KANSL1L: variants seen among roughly 807,000 people sequenced by gnomAD.
The protein encoded by KANSL1L is KAT8 regulatory NSL complex subunit 1 like.
KANSL1L carries 25 observed loss-of-function variants against 108.6 expected under a neutral mutation model. The ratio of observed to expected loss-of-function variants is 0.23; its 90% CI spans 0.17 to 0.32. KANSL1L has a LOEUF of 0.32. Among genes scored for constraint, KANSL1L ranks in the 10% least tolerant of loss-of-function variants. The pLI is 1.00. For synonymous variants in KANSL1L, 405 were observed against 395.1 expected (o/e 1.03, Z -0.30); for missense variants, 1,137 against 1,125.7 (o/e 1.01, Z -0.14).
At chr2:210,066,380 C>T (rs953313849) in intron 6 of KANSL1L, among the ~76,000 whole-genome samples, 6 of 152,200 alleles carry the variant, frequency 3.9e-5, no homozygotes, top group African/African-American at 7.2e-5. Flanking sequence ...TAAATCACTA[C>T]GTTTGGGGAT....
At position 210,029,166 on chromosome 2, in the gene KANSL1L, CT is replaced by C. The variant is rs1303664300; in HGVS notation, c.2272-198del. On this transcript the variant is annotated intron_variant, in intron 10 of 14. Transcript: ENST00000281772. ...TATCTTTTGTAAATCAGAACAATCT[CT>C]TGGTAGATGTGTAATGTGTATTTAT... 2.5e-4 allele frequency: 126 copies of C among 508,986 alleles called. 1 individual carries two copies. The highest frequency in any genetic ancestry group is 1.6e-4 in the Admixed American group (4 of 24,388). 31.5% of individuals were successfully genotyped at this position (508,986 alleles called of 1,614,324 possible).
rs574824326 is a variant in KANSL1L, at chr2:210,033,654, C to T, written c.2030-2108G>A. Among the ~76,000 whole-genome samples the T allele has an allele frequency of 1.6e-3, 245 of 151,586 alleles. 2 individuals carry two copies. Among genetic ancestry groups the T allele is most frequent in the African/African-American group, 5.6e-3 (231 of 41,368 alleles). ...ACGCCATTCTCCTGCCTCAGCCTCC[C>T]GAGTAGCTGGGACTACAGGTGGCTG... is the stretch of plus-strand genomic sequence containing the variant. On this transcript the variant is annotated intron_variant, in intron 8 of 14. Coordinates refer to ENST00000281772, the MANE Select transcript of KANSL1L (RefSeq NM_152519.4).
In KANSL1L at chr2:210,141,719, T is replaced by C. The variant is rs114718099; in HGVS notation, c.1088+11776A>G. On this transcript the variant is annotated intron_variant, in intron 2 of 14. Coordinates refer to ENST00000281772, the MANE Select transcript of KANSL1L (RefSeq NM_152519.4). ...ATGTTAACTGTGAGCTTATCATATA[T>C]GGCCTTTATTGGTAGAGGTACATTC... is the stretch of plus-strand genomic sequence containing the variant. 1.6e-3 allele frequency among the ~76,000 whole-genome samples: 250 copies of C among 152,332 alleles called. 1 individual carries two copies. The highest frequency in any genetic ancestry group is 5.7e-3 in the African/African-American group (239 of 41,582).
intron 1 of KANSL1L, among the ~76,000 whole-genome samples, chr2:210,170,849 C>A (rs1346174319): frequency 1.3e-5 from 2 of 152,040 alleles, no homozygotes; most frequent in Non-Finnish European, 2.9e-5. Context: ...GCCCCACCCC[C>A]CACGTGACCG....
At chr2:210,119,848 T>C (rs1020704494) in intron 3 of KANSL1L, among the ~76,000 whole-genome samples, 1 of 151,892 alleles carries the variant, frequency 6.6e-6, no homozygotes, top group African/African-American at 2.4e-5. Flanking sequence ...GAGAAAGAAA[T>C]AGAAGGCAAC....
intron 6 of KANSL1L, among the ~76,000 whole-genome samples, chr2:210,049,694 T>G (rs2125221465): frequency 6.6e-6 from 1 of 152,348 alleles, no homozygotes; most frequent in African/African-American, 2.4e-5. Context: ...TTATAGTGTT[T>G]CTCAAGGAAT....
intron 2 of KANSL1L, among the ~76,000 whole-genome samples, chr2:210,143,202 T>A (rs1032153926): frequency 6.6e-6 from 1 of 152,142 alleles, no homozygotes; most frequent in Admixed American, 6.5e-5. Flanking sequence ...TACCTTTTTG[T>A]CTTTTTTTAC....
chr2:210,126,122 G>A (rs541372858), intron 3 of KANSL1L, among the ~76,000 whole-genome samples: 1 of 152,272 alleles, frequency 6.6e-6, no homozygotes, highest in African/African-American at 2.4e-5. Flanking sequence ...ATTCAGCAGA[G>A]TAGCAAGATC....
At chr2:210,116,015 C>G (rs1189575752) in intron 3 of KANSL1L, among the ~76,000 whole-genome samples, 1 of 152,122 alleles carries the variant, frequency 6.6e-6, no homozygotes, top group Non-Finnish European at 1.5e-5. Flanking sequence ...GGGTAAAGCA[C>G]CAAGCATTTC....
At chr2:210,093,573 A>T (rs2094710705) in intron 5 of KANSL1L, among the ~76,000 whole-genome samples, 1 of 152,210 alleles carries the variant, frequency 6.6e-6, no homozygotes, top group Non-Finnish European at 1.5e-5. Flanking sequence ...GTCTAAATTT[A>T]GCCTCAAAAA....
chr2:210,156,309 T>C (rs766391951), intron 1 of KANSL1L, among the ~76,000 whole-genome samples: 8 of 152,116 alleles, frequency 5.3e-5, no homozygotes, highest in South Asian at 2.1e-4. Flanking sequence ...CTCATATCTA[T>C]TGGGATCATA....
At chr2:210,037,305 C>A (rs998288357) in intron 8 of KANSL1L, among the ~76,000 whole-genome samples, 4 of 152,016 alleles carry the variant, frequency 2.6e-5, no homozygotes, top group Non-Finnish European at 5.9e-5. Context: ...TAGCTATTTC[C>A]TAGCTGTTGG....
chr2:210,065,057 C>T (rs1192374161), intron 6 of KANSL1L, among the ~76,000 whole-genome samples: 1 of 151,402 alleles, frequency 6.6e-6, no homozygotes, highest in African/African-American at 2.4e-5. Flanking sequence ...AATCTCAGCA[C>T]TTTGGGTAGG....
intron 6 of KANSL1L, among the ~76,000 whole-genome samples, chr2:210,062,927 G>T (rs1245930022): frequency 1.3e-5 from 2 of 152,180 alleles, no homozygotes; most frequent in African/African-American, 4.8e-5. Context: ...GTAATGAGGG[G>T]CCAAATGTTA....
intron 6 of KANSL1L, 114 bp downstream of exon 6, chr2:210,075,438 A>G: frequency 1.5e-6 from 1 of 678,556 alleles, no homozygotes; most frequent in Non-Finnish European, 2.5e-6. Context: ...TAAGTTTTCT[A>G]CATGTAATTA....
chr2:210,169,904 G>A (rs924148214), intron 1 of KANSL1L, among the ~76,000 whole-genome samples: 11 of 152,178 alleles, frequency 7.2e-5, no homozygotes, highest in Non-Finnish European at 1.3e-4. Flanking sequence ...AATTGGTAGA[G>A]ATTAGGAATC....
intron 1 of KANSL1L, among the ~76,000 whole-genome samples, chr2:210,156,714 T>C (rs1317793017): frequency 6.6e-6 from 1 of 152,060 alleles, no homozygotes; most frequent in Non-Finnish European, 1.5e-5. Flanking sequence ...TTAAGTTCCA[T>C]GAAACAGAAC....
intron 2 of KANSL1L, among the ~76,000 whole-genome samples, chr2:210,138,398 G>C (rs1055371646): frequency 6.6e-6 from 1 of 151,908 alleles, no homozygotes; most frequent in Non-Finnish European, 1.5e-5. Flanking sequence ...GGATCAATCA[G>C]ACCCCAAACT....
In KANSL1L at chr2:210,171,235, C is replaced by A; in HGVS notation, c.-116G>T. ...GCTGAGGTGATCTCTAGCTGCCCGC[C>A]CGCCTCCCCCACCCGGGGCGCCGCT... On this transcript the variant is annotated 5_prime_UTR_variant, in exon 1 of 15. Coordinates refer to ENST00000281772, the MANE Select transcript of KANSL1L (RefSeq NM_152519.4). 6.4e-6 allele frequency: 1 copy of A among 157,264 alleles called. No individual in the cohort carries two copies. The highest frequency in any genetic ancestry group is 1.7e-4 in the South Asian group (1 of 5,724). The allele number at this position is 157,264 out of a possible 1,614,324, so 9.7% of individuals were successfully genotyped here.
Sources: allele counts gnomAD v4.1 joint callset (sites outside exome capture counted in the v4.1 genomes callset), GRCh38; gene constraint gnomAD v4.1.1; transcripts MANE v1.5; gene names NCBI Gene and HGNC (gene_info 2026-07-23, HGNC 2026-07-21).